LYST: variants seen among roughly 807,000 people sequenced by gnomAD.
LYST encodes lysosomal-trafficking regulator.
A neutral mutation model predicts 413.6 loss-of-function variants in LYST; 192 were observed. That is an observed-to-expected ratio of 0.46 (90% CI 0.41 to 0.52). LYST has a LOEUF of 0.52. Ranked by LOEUF, LYST falls within the 20% of genes least tolerant of loss-of-function variation. LYST has a pLI of 0.00. For missense variants in LYST, 3,815 were observed against 4,499.9 expected, an observed-to-expected ratio of 0.85 and a Z score of 4.35; for synonymous variants, 1,525 against 1,567.3, an observed-to-expected ratio of 0.97 and a Z score of 0.64.
At chr1:235,691,670 C>G (rs1370426232) in intron 47 of LYST, among the ~76,000 whole-genome samples, 1 of 147,880 alleles carries the variant, frequency 6.8e-6, no homozygotes, top group Non-Finnish European at 1.5e-5. Flanking sequence ...GTTAGGAAGT[C>G]TGTAAGTACT....
intron 47 of LYST, among the ~76,000 whole-genome samples, chr1:235,690,758 C>T (rs950644959): frequency 3.3e-5 from 5 of 152,078 alleles, no homozygotes; most frequent in Non-Finnish European, 7.4e-5. Flanking sequence ...GATAAGGCAG[C>T]AGGTGTTATG....
intron 1 of LYST, among the ~76,000 whole-genome samples, chr1:235,873,518 A>G (rs1293183967): frequency 6.6e-6 from 1 of 152,218 alleles, no homozygotes; most frequent in Non-Finnish European, 1.5e-5. Context: ...ATTGACAGAC[A>G]TGCCCACAGG....
Position 235,806,096 on chromosome 1 carries a change from C to G in LYST, c.3040G>C (p.Gly1014Arg). ...SHKEEQGKKE[G>R]DTSVNENQDL... ...TGGTTTTCATTTACACTTGTATCTC[C>G]CTCCTTTTTTCCTTGCTCCTCTTTG... Residue 1014 changes from glycine (G) to arginine (R), a missense_variant, in exon 6 of 53, where the codon GGA becomes CGA. Physicochemically the swap from Gly to Arg is moderately radical, Grantham distance 125. Around this residue, in one of 4 missense-constraint regions of LYST, gnomAD observed 1,648 missense variants for 1,810.3 expected, o/e 0.91. Coordinates refer to ENST00000389793, the MANE Select transcript of LYST (RefSeq NM_000081.4). The G allele has an allele frequency of 6.2e-7, 1 of 1,613,652 alleles. No homozygotes were observed. Among genetic ancestry groups the G allele is most frequent in the Non-Finnish European group, 8.5e-7 (1 of 1,179,782 alleles).
intron 43 of LYST, among the ~76,000 whole-genome samples, chr1:235,709,818 T>C (rs1192293996): frequency 6.7e-6 from 1 of 149,948 alleles, no homozygotes; most frequent in African/African-American, 2.5e-5. Flanking sequence ...TAGAATGAAT[T>C]GCCATAGTCT....
intron 31 of LYST, chr1:235,738,511 G>T (rs747670195): frequency 4.3e-6 from 7 of 1,611,876 alleles, no homozygotes; most frequent in Non-Finnish European, 5.9e-6. Context: ...GCCCAATTCC[G>T]TTACCCAATG....
chr1:235,803,358 C>CA (rs1214900023), intron 7 of LYST, among the ~76,000 whole-genome samples: 12 of 151,780 alleles, frequency 7.9e-5, no homozygotes, highest in East Asian at 1.9e-4. Context: ...TTGGAAATGA[C>CA]AAAAAACCAC....
At chr1:235,790,961 C>G (rs952045898) in intron 12 of LYST, among the ~76,000 whole-genome samples, 1 of 151,992 alleles carries the variant, frequency 6.6e-6, no homozygotes, top group Admixed American at 6.6e-5. Flanking sequence ...CCAGCCTGAC[C>G]AACAGGGAGA....
In LYST at chr1:235,810,346, C is replaced by G. The variant is rs1673331665; in HGVS notation, c.472G>C (p.Ala158Pro). Residue 158 changes from alanine (A) to proline (P), a missense_variant, in exon 5 of 53, where the codon GCA becomes CCA. Transcript: ENST00000389793. Reference protein sequence around the residue: ...KITHRYSVRDARKTQLSTSDS... With the variant: ...KITHRYSVRDPRKTQLSTSDS... ...GAGGTGGAGAGCTGTGTCTTTCTTG[C>G]ATCTCTTACAGAATAGCGATGGGTA... The G allele has an allele frequency of 6.2e-7, 1 of 1,613,994 alleles. No homozygotes were observed.
intron 1 of LYST, among the ~76,000 whole-genome samples, chr1:235,876,779 A>T (rs1410058773): frequency 1.3e-5 from 2 of 152,232 alleles, no homozygotes; most frequent in African/African-American, 4.8e-5. Context: ...GTCCTGTCAT[A>T]TATTTGGAAT....
chr1:235,776,441 A>C (rs1669243190), intron 17 of LYST, among the ~76,000 whole-genome samples: 1 of 152,196 alleles, frequency 6.6e-6, no homozygotes, highest in South Asian at 2.1e-4. Flanking sequence ...GGATGAAGGA[A>C]GATCAAAGCT....
chr1:235,789,823 C>T (rs1321822754), intron 12 of LYST, among the ~76,000 whole-genome samples: 1 of 151,980 alleles, frequency 6.6e-6, no homozygotes, highest in Admixed American at 6.6e-5. Flanking sequence ...TGAACTTCTG[C>T]AAATAAAAGA....
Position 235,702,593 on chromosome 1 carries a change from G to A in LYST, c.10374+154C>T, listed in dbSNP as rs146909580. 2.1e-4 allele frequency among the ~76,000 whole-genome samples: 32 copies of A among 152,192 alleles called. 2 individuals carry two copies. Among genetic ancestry groups the A allele is most frequent in the African/African-American group, 7.5e-4 (31 of 41,524 alleles). ...ATATCGCTAACACAGCATTTACCTCGCACAGGATTCTGCTTTCGCTGCTGC... is the reference window on the plus strand; with the variant it reads ...ATATCGCTAACACAGCATTTACCTCACACAGGATTCTGCTTTCGCTGCTGC... On this transcript the variant is annotated intron_variant, in intron 45 of 52. Coordinates refer to ENST00000389793, the MANE Select transcript of LYST (RefSeq NM_000081.4).
chr1:235,804,469 A>G (rs1181358176), intron 7 of LYST, 35 bp downstream of exon 7: 2 of 1,569,528 alleles, frequency 1.3e-6, no homozygotes, highest in Admixed American at 3.3e-5. Context: ...TGCTGGTCAT[A>G]CCCAAAGAAC....
At chr1:235,787,400 C>T in intron 13 of LYST, 27 bp from the exon 14 acceptor site, 4 of 1,600,634 alleles carry the variant, frequency 2.5e-6, no homozygotes, top group Non-Finnish European at 3.4e-6. Flanking sequence ...AAGGCATAGG[C>T]TGAAAACATG....
At chr1:235,784,173 C>T (rs1041461801) in intron 14 of LYST, among the ~76,000 whole-genome samples, 6 of 152,136 alleles carry the variant, frequency 3.9e-5, no homozygotes, top group African/African-American at 1.4e-4. Flanking sequence ...AAGCACCATG[C>T]CTGGCCTAGA....
chr1:235,853,263 A>G (rs1287059732), intron 1 of LYST, among the ~76,000 whole-genome samples: 1 of 152,236 alleles, frequency 6.6e-6, no homozygotes, highest in Non-Finnish European at 1.5e-5. Flanking sequence ...TAACACCTTC[A>G]GCTCTAAAGA....
chr1:235,770,384 T>C, intron 19 of LYST, 87 bp from the exon 20 acceptor site: 1 of 1,154,166 alleles, frequency 8.7e-7, no homozygotes, highest in East Asian at 2.4e-5. Context: ...GCGCAACAAT[T>C]TAACATTGTG....
At chr1:235,751,144 A>AT in intron 28 of LYST, 66 bp downstream of exon 28, 1 of 1,428,264 alleles carries the variant, frequency 7.0e-7, no homozygotes, top group Non-Finnish European at 9.9e-7. Flanking sequence ...TGTGAATGGC[A>AT]TAAGAACATA....
chr1:235,857,695 GTATA>G (rs955140112), intron 1 of LYST, among the ~76,000 whole-genome samples: 113 of 144,500 alleles, frequency 7.8e-4, no homozygotes, highest in African/African-American at 2.8e-3. Flanking sequence ...GCACACAGGT[GTATA>G]TATATACACA....
Sources: allele counts gnomAD v4.1 joint callset (sites outside exome capture counted in the v4.1 genomes callset), GRCh38; gene constraint gnomAD v4.1.1; regional missense constraint gnomAD v4.1.1; transcripts MANE v1.5; gene names NCBI Gene and HGNC (gene_info 2026-07-23, HGNC 2026-07-21).